ADAMTS9: variants seen among roughly 807,000 people sequenced by gnomAD.
ADAMTS9 encodes ADAM metallopeptidase with thrombospondin type 1 motif 9, also known as A disintegrin and metalloproteinase with thrombospondin motifs 9.
Under a neutral mutation model 257.1 loss-of-function variants are expected in ADAMTS9, and 107 were observed. The ratio of observed to expected loss-of-function variants is 0.42; its 90% CI spans 0.36 to 0.49. The LOEUF is 0.49. Ranked by LOEUF, ADAMTS9 falls within the 20% of genes least tolerant of loss-of-function variation. The pLI is 0.03. For missense variants in ADAMTS9, 2,353 were observed against 2,469.1 expected, an observed-to-expected ratio of 0.95 and a Z score of 1.00; for synonymous variants, 982 against 880.9, an observed-to-expected ratio of 1.11 and a Z score of -2.03.
chr3:64,658,408 G>A, intron 4 of ADAMTS9, 94 bp downstream of exon 4: 1 of 1,323,206 alleles, frequency 7.6e-7, no homozygotes, highest in Non-Finnish European at 1.0e-6. Flanking sequence ...TGAAATGCCA[G>A]TTCTGAATGG....
chr3:64,525,907 G>A (rs2082904027), intron 38 of ADAMTS9, among the ~76,000 whole-genome samples: 1 of 143,496 alleles, frequency 7.0e-6, no homozygotes, highest in African/African-American at 2.5e-5. Context: ...GTATTTAATA[G>A]TACAGTAGAA....
intron 39 of ADAMTS9, among the ~76,000 whole-genome samples, chr3:64,517,341 G>A (rs1314958461): frequency 6.8e-6 from 1 of 147,322 alleles, no homozygotes; most frequent in Non-Finnish European, 1.5e-5. Flanking sequence ...TCCTGGGCAA[G>A]CAATCCTCCC....
intron 18 of ADAMTS9, 143 bp from the exon 19 acceptor site, chr3:64,621,383 C>G (rs1700100373): frequency 1.0e-6 from 1 of 984,268 alleles, no homozygotes; most frequent in Non-Finnish European, 1.5e-6. Flanking sequence ...ACTATTCAAC[C>G]CTGACATTAC....
chr3:64,539,049 T>G (rs1271046442), intron 37 of ADAMTS9, among the ~76,000 whole-genome samples, 154 bp downstream of exon 37: 1 of 152,176 alleles, frequency 6.6e-6, no homozygotes, highest in Non-Finnish European at 1.5e-5. Context: ...GAGATTAGAC[T>G]CCAGAGCATT....
At chr3:64,601,049 C>T (rs1250355419) in intron 26 of ADAMTS9, among the ~76,000 whole-genome samples, 2 of 152,094 alleles carry the variant, frequency 1.3e-5, no homozygotes, top group African/African-American at 4.8e-5. Context: ...TCTGGTATTG[C>T]ACAGCATATT....
intron 26 of ADAMTS9, 77 bp from the exon 27 acceptor site, chr3:64,597,068 T>G (rs772728916): frequency 1.4e-4 from 212 of 1,570,226 alleles, no homozygotes; most frequent in Non-Finnish European, 1.8e-4. Context: ...GTTGAAAGGT[T>G]AAGACAAATG....
intron 20 of ADAMTS9, 25 bp from the exon 21 acceptor site, chr3:64,615,510 A>C (rs776792004): frequency 6.9e-6 from 11 of 1,584,832 alleles, no homozygotes; most frequent in Non-Finnish European, 9.4e-6. Flanking sequence ...TAAATAAATA[A>C]AACTGTTGCT....
chr3:64,563,605 G>A (rs897991197), intron 29 of ADAMTS9, among the ~76,000 whole-genome samples: 10 of 152,238 alleles, frequency 6.6e-5, no homozygotes, highest in Admixed American at 2.0e-4. Context: ...ACGAAGGCAC[G>A]GTACTAAGAG....
chr3:64,676,851 C>G lies in ADAMTS9; in HGVS notation c.679+4350G>C, dbSNP rs148575640. ...CCTTAAGAAACAAAAATTACCTGGC[C>G]TTGCTGAGATGGGAAGGTGAGGGAG... On this transcript the variant is annotated intron_variant, in intron 3 of 39. Coordinates refer to ENST00000498707, the MANE Select transcript of ADAMTS9 (RefSeq NM_182920.2). 4.3e-3 allele frequency among the ~76,000 whole-genome samples: 652 copies of G among 152,282 alleles called. 13 individuals are homozygous for G. Among genetic ancestry groups the G allele is most frequent in the African/African-American group, 0.015 (603 of 41,572 alleles).
intron 22 of ADAMTS9, among the ~76,000 whole-genome samples, 182 bp downstream of exon 22, chr3:64,613,163 A>C (rs1296575850): frequency 6.6e-6 from 1 of 152,166 alleles, no homozygotes; most frequent in Non-Finnish European, 1.5e-5. Context: ...GGCAGGCAGC[A>C]ATCCTTGGAA....
intron 39 of ADAMTS9, among the ~76,000 whole-genome samples, chr3:64,517,820 T>C (rs1382232225): frequency 6.6e-6 from 1 of 152,156 alleles, no homozygotes; most frequent in Admixed American, 6.5e-5. Context: ...TGGTGATCTC[T>C]AGTGGATACC....
At chr3:64,540,798 CTTCATTCATTCA>C (rs145689016) in intron 36 of ADAMTS9, among the ~76,000 whole-genome samples, 1 of 152,066 alleles carries the variant, frequency 6.6e-6, no homozygotes, top group Non-Finnish European at 1.5e-5. Context: ...CTTTCACCTA[CTTCATTCATTCA>C]TTCATTCATT....
chr3:64,579,982 G>C (rs1394888115), intron 28 of ADAMTS9, among the ~76,000 whole-genome samples: 1 of 152,276 alleles, frequency 6.6e-6, no homozygotes, highest in South Asian at 2.1e-4. Flanking sequence ...CCCTGTAAAT[G>C]CAAGAAACAT....
At chr3:64,655,921 A>G (rs1701057995) in intron 4 of ADAMTS9, 46 bp from the exon 5 acceptor site, 1 of 1,248,380 alleles carries the variant, frequency 8.0e-7, no homozygotes, top group Non-Finnish European at 1.1e-6. Flanking sequence ...AACTCCGTGT[A>G]AGCAATAAGC....
At chr3:64,573,522 G>T (rs1317386491) in intron 28 of ADAMTS9, among the ~76,000 whole-genome samples, 2 of 152,214 alleles carry the variant, frequency 1.3e-5, no homozygotes, top group Non-Finnish European at 1.5e-5. Context: ...TGAGACAGGA[G>T]ACTGAAGGAA....
At chr3:64,628,996 G>A (rs1416069819) in intron 16 of ADAMTS9, among the ~76,000 whole-genome samples, 1 of 152,130 alleles carries the variant, frequency 6.6e-6, no homozygotes, top group Non-Finnish European at 1.5e-5. Context: ...TTTTGACCTT[G>A]GAGTTTTGAG....
intron 14 of ADAMTS9, 56 bp from the exon 15 acceptor site, chr3:64,631,981 GC>G (rs1340168821): frequency 1.5e-6 from 2 of 1,294,946 alleles, no homozygotes; most frequent in Admixed American, 1.9e-5. Context: ...TTATAAAATG[GC>G]AAATAATGTG....
At chr3:64,571,185 G>C (rs1224946129) in intron 28 of ADAMTS9, among the ~76,000 whole-genome samples, 5 of 152,130 alleles carry the variant, frequency 3.3e-5, no homozygotes, top group Non-Finnish European at 7.4e-5. Context: ...AATTGGAAAA[G>C]GTACAACTCT....
chr3:64,638,533 C>A lies in ADAMTS9; in HGVS notation c.1856+3315G>T, dbSNP rs145798473. Among the ~76,000 whole-genome samples, 125 of 152,172 alleles carry A rather than the reference C, an allele frequency of 8.2e-4. 1 individual carries two copies. The highest frequency in any genetic ancestry group is 2.9e-3 in the African/African-American group (120 of 41,512). On this transcript the variant is annotated intron_variant, in intron 12 of 39. Coordinates refer to ENST00000498707, the MANE Select transcript of ADAMTS9 (RefSeq NM_182920.2). ...AATTCCTTCAGGGCAACAGATAGAA[C>A]AAGGGACTGTCCTTGTAAACCAGAA...
Sources: gnomAD v4.1 joint callset for allele counts (sites outside exome capture counted in the v4.1 genomes callset) on GRCh38, gnomAD v4.1.1 for gene constraint, MANE v1.5 for transcripts, NCBI Gene and HGNC (gene_info 2026-07-23, HGNC 2026-07-21) for gene names.